The following TYW1 variants were observed in gnomAD, a reference collection of about 807,000 sequenced individuals.
The protein encoded by TYW1 is S-adenosyl-L-methionine-dependent tRNA 4-demethylwyosine synthase TYW1.
In TYW1, 46 loss-of-function variants were observed where a neutral mutation model predicts 96.2. The ratio of observed to expected loss-of-function variants is 0.48; its 90% CI spans 0.38 to 0.61. The LOEUF (loss-of-function observed/expected upper bound fraction) is 0.61, where lower values mean the gene tolerates loss of function less well. Ranked by LOEUF, TYW1 falls within the 20% of genes least tolerant of loss-of-function variation. The probability of loss-of-function intolerance (pLI) is 0.00; values close to 1 mark genes in which losing one functional copy is unlikely to be tolerated. For missense variants in TYW1, 684 were observed against 909.6 expected, an observed-to-expected ratio of 0.75 and a Z score of 3.19; for synonymous variants, 274 against 323.0, an observed-to-expected ratio of 0.85 and a Z score of 1.63.
rs1333660678 is a variant in TYW1 at position 67,031,971 on chromosome 7, CTCA to C, written c.984+6954_984+6956del. 4.6e-5 allele frequency among the ~76,000 whole-genome samples: 7 copies of C among 152,274 alleles called. No individual in the cohort carries two copies. In the East Asian group the frequency reaches 1.4e-3, roughly 29 times the overall value. ...TCGTCAAAAAATGTTTAGCTTGAAT[CTCA>C]TCATGGGGAAACAATGAGACAAATC... On this transcript the variant is annotated intron_variant, in intron 7 of 15. Coordinates refer to ENST00000359626, the MANE Select transcript of TYW1 (RefSeq NM_018264.4).
chr7:67,186,625 G>A (rs1400371089), intron 14 of TYW1, among the ~76,000 whole-genome samples: 2 of 149,006 alleles, frequency 1.3e-5, no homozygotes, highest in Non-Finnish European at 3.0e-5. Flanking sequence ...GTAGCTGGAT[G>A]ACAGACGCAC....
intron 3 of TYW1, among the ~76,000 whole-genome samples, chr7:66,999,643 T>C (rs1216433191): frequency 6.6e-6 from 1 of 151,930 alleles, no homozygotes; most frequent in Non-Finnish European, 1.5e-5. Flanking sequence ...CGTGAGCCAC[T>C]GCACCTGGCC....
chr7:67,202,685 C>T (rs1437898140), intron 15 of TYW1, among the ~76,000 whole-genome samples: 2 of 152,302 alleles, frequency 1.3e-5, no homozygotes, highest in East Asian at 1.9e-4. Context: ...ACATGAGCCA[C>T]CGTAAGCCCA....
intron 13 of TYW1, among the ~76,000 whole-genome samples, chr7:67,121,535 C>G (rs910410121): frequency 9.2e-5 from 14 of 152,152 alleles, no homozygotes; most frequent in African/African-American, 3.4e-4. Flanking sequence ...GAGCAAGACT[C>G]TGTCTCAAAA....
chr7:67,031,631 AAAAACAAAAC>A (rs1229224653), intron 7 of TYW1, among the ~76,000 whole-genome samples: 1 of 70,966 alleles, frequency 1.4e-5, no homozygotes, highest in South Asian at 5.4e-4. Context: ...ATTCCTTCTC[AAAAACAAAAC>A]AAAACAAAAC....
chr7:67,227,836 C>T (rs529838740), intron 15 of TYW1, among the ~76,000 whole-genome samples: 1 of 152,326 alleles, frequency 6.6e-6, no homozygotes, highest in South Asian at 2.1e-4. Flanking sequence ...AAGCTCCAGG[C>T]ATGGAATTCT....
At chr7:67,038,448 CAT>C (rs1405328696) in intron 7 of TYW1, among the ~76,000 whole-genome samples, 2 of 151,690 alleles carry the variant, frequency 1.3e-5, no homozygotes, top group Non-Finnish European at 2.9e-5. Context: ...CTCTACAAAA[CAT>C]AAAAAGTTAG....
chr7:67,145,758 G>C (rs77777294), intron 13 of TYW1, among the ~76,000 whole-genome samples: 39,341 of 151,546 alleles, frequency 0.26, 5,552 homozygotes, highest in African/African-American at 0.38. Flanking sequence ...TGTTTTGTTT[G>C]TTTGGGGTTT....
At chr7:66,998,014 T>G in intron 1 of TYW1, 51 bp from the exon 2 acceptor site, 1 of 1,518,120 alleles carries the variant, frequency 6.6e-7, no homozygotes, top group Non-Finnish European at 8.8e-7. Context: ...GGGATGGATA[T>G]CTTTGTATAT....
chr7:67,101,452 T>G (rs1797086232), intron 12 of TYW1, among the ~76,000 whole-genome samples: 1 of 152,148 alleles, frequency 6.6e-6, no homozygotes, highest in Non-Finnish European at 1.5e-5. Flanking sequence ...TGCAAAAAAT[T>G]AAGATCACGG....
chr7:67,224,636 A>C (rs1272111714), intron 15 of TYW1, among the ~76,000 whole-genome samples: 1 of 152,218 alleles, frequency 6.6e-6, no homozygotes, highest in Non-Finnish European at 1.5e-5. Context: ...ATTTCCTATT[A>C]GCACTTTGAA....
intron 12 of TYW1, among the ~76,000 whole-genome samples, chr7:67,110,360 C>T (rs559807095): frequency 7.2e-4 from 109 of 152,152 alleles, no homozygotes; most frequent in South Asian, 2.7e-3. Context: ...AAGCAGGCAG[C>T]GAAAACCAAG....
intron 15 of TYW1, among the ~76,000 whole-genome samples, chr7:67,230,936 G>C (rs983954950): frequency 5.3e-5 from 8 of 151,956 alleles, no homozygotes; most frequent in African/African-American, 1.9e-4. Flanking sequence ...CACCATGCCT[G>C]GCTGCTTATT....
chr7:67,015,737 C>T (rs149274780), intron 5 of TYW1, among the ~76,000 whole-genome samples: 5,302 of 152,066 alleles, frequency 0.035, 269 homozygotes, highest in East Asian at 0.16. Flanking sequence ...CTGAGGCAGG[C>T]GGATCACGAG....
chr7:67,232,945 G>A (rs573578744), intron 15 of TYW1, among the ~76,000 whole-genome samples: 1 of 63,240 alleles, frequency 1.6e-5, no homozygotes, highest in East Asian at 2.8e-4. Flanking sequence ...ATATAAACCT[G>A]CCTTTGGGTT....
chr7:67,042,297 C>T (rs1202248478), intron 7 of TYW1, among the ~76,000 whole-genome samples: 3 of 151,518 alleles, frequency 2.0e-5, no homozygotes, highest in African/African-American at 7.3e-5. Flanking sequence ...CCTACCAAAA[C>T]ACCACCTTGG....
intron 15 of TYW1, among the ~76,000 whole-genome samples, chr7:67,209,740 T>C (rs1563072713): frequency 6.6e-6 from 1 of 152,062 alleles, no homozygotes; most frequent in African/African-American, 2.4e-5. Context: ...GCCCGGCTAC[T>C]TTTGTATTTT....
chr7:67,182,526 T>A (rs1799873055), intron 13 of TYW1, among the ~76,000 whole-genome samples: 1 of 141,742 alleles, frequency 7.1e-6, no homozygotes, highest in African/African-American at 2.8e-5. Flanking sequence ...ATTGCACCAC[T>A]GCACTCCAGC....
intron 6 of TYW1, among the ~76,000 whole-genome samples, chr7:67,024,091 G>A (rs1794367937): frequency 6.6e-6 from 1 of 152,116 alleles, no homozygotes; most frequent in Non-Finnish European, 1.5e-5. Flanking sequence ...TCATGTCACT[G>A]TGACGTGAGA....
Sources: allele counts gnomAD v4.1 joint callset (sites outside exome capture counted in the v4.1 genomes callset), GRCh38; gene constraint gnomAD v4.1.1; transcripts MANE v1.5; gene names NCBI Gene and HGNC (gene_info 2026-07-23, HGNC 2026-07-21).